The following G3BP2 variants were observed in gnomAD, a reference collection of about 807,000 sequenced individuals.
G3BP2 encodes the protein G3BP stress granule assembly factor 2.
Under a neutral mutation model 56.7 loss-of-function variants are expected in G3BP2, and 11 were observed. That is an observed-to-expected ratio of 0.19 (90% CI 0.12 to 0.32). The LOEUF (loss-of-function observed/expected upper bound fraction) is 0.32. Among genes scored for constraint, G3BP2 ranks in the 10% least tolerant of loss-of-function variants. The probability of loss-of-function intolerance (pLI) is 1.00; values close to 1 mark genes in which losing one functional copy is unlikely to be tolerated. For synonymous variants in G3BP2, 165 were observed against 191.6 expected (o/e 0.86, Z 1.15); for missense variants, 340 against 610.9 (o/e 0.56, Z 4.67).
chr4:75,709,479 G>C (rs1204204396), intron 3 of G3BP2, among the ~76,000 whole-genome samples: 1 of 146,440 alleles, frequency 6.8e-6, no homozygotes, highest in Non-Finnish European at 1.5e-5. Context: ...AGGTGTAGTA[G>C]CACATGCCTA....
intron 3 of G3BP2, among the ~76,000 whole-genome samples, chr4:75,709,700 G>GT (rs1350068975): frequency 1.3e-5 from 2 of 152,010 alleles, no homozygotes; most frequent in Non-Finnish European, 2.9e-5. Context: ...GGTGGGGCGG[G>GT]TTTCAGAGAT....
chr4:75,682,702 C>T (rs963206585), intron 3 of G3BP2, among the ~76,000 whole-genome samples: 1 of 152,014 alleles, frequency 6.6e-6, no homozygotes, highest in African/African-American at 2.4e-5. Context: ...TGCAGCTGGG[C>T]TGGGCACGGT....
At position 75,673,303 on chromosome 4, in the gene G3BP2, C is replaced by T. The variant is rs1354463449; in HGVS notation, c.-120G>A. ...GTTCTTATTGCTCGCCGCCCCCTTC[C>T]TCCGACAACTCGGAAGCCTCGGAAG... On this transcript the variant is annotated 5_prime_UTR_variant, in exon 1 of 12. Coordinates refer to ENST00000359707, the MANE Select transcript of G3BP2 (RefSeq NM_203505.3). 8 of 1,229,014 alleles carry T rather than the reference C, an allele frequency of 6.5e-6. No homozygotes were observed. The highest frequency in any genetic ancestry group is 8.5e-5 in the South Asian group (2 of 23,616). 76.1% of individuals were successfully genotyped at this position (1,229,014 alleles called of 1,614,324 possible).
chr4:75,655,883 A>G lies in G3BP2; in HGVS notation c.443-13T>C. 8.2e-7 allele frequency: 1 copy of G among 1,217,878 alleles called. No individual in the cohort carries two copies. The highest frequency in any genetic ancestry group is 1.2e-6 in the Non-Finnish European group (1 of 819,222). The allele number at this position is 1,217,878 out of a possible 1,614,324, so 75.4% of individuals were successfully genotyped here. A position where few individuals can be genotyped will look rare whatever the true frequency, so the allele number is the denominator to read the frequency against. ...TCATCTTCTGATTCTGAAAATACATAATACAGCACATCTTTTTTAAAGAGG... is the reference window on the plus strand; with the variant it reads ...TCATCTTCTGATTCTGAAAATACATGATACAGCACATCTTTTTTAAAGAGG... On this transcript the variant is annotated splice_polypyrimidine_tract_variant and intron_variant, in intron 5 of 11. Transcript: ENST00000359707.
chr4:75,651,208 G>GT (rs1731679270), intron 8 of G3BP2, among the ~76,000 whole-genome samples: 1 of 152,164 alleles, frequency 6.6e-6, no homozygotes, highest in African/African-American at 2.4e-5. Flanking sequence ...GTTTAATAAA[G>GT]TGAGTGTATT....
At chr4:75,677,513 G>A (rs1300491010), upstream of G3BP2, among the ~76,000 whole-genome samples, 1 of 151,910 alleles carries the variant, frequency 6.6e-6, no homozygotes, top group Non-Finnish European at 1.5e-5. Context: ...GGAGGTTGTG[G>A]TAACCCGAGA....
intron 3 of G3BP2, among the ~76,000 whole-genome samples, chr4:75,718,624 T>C (rs1434580615): frequency 6.6e-6 from 1 of 152,198 alleles, no homozygotes; most frequent in Admixed American, 6.5e-5. Flanking sequence ...TGCCATATGC[T>C]TTGAGATGAG....
At chr4:75,673,593 G>T (rs1028441626), upstream of G3BP2, 23 of 1,231,772 alleles carry the variant, frequency 1.9e-5, no homozygotes, top group Non-Finnish European at 2.1e-5. Context: ...CGCCCGGAAA[G>T]CCGGGGAACC....
chr4:75,679,326 A>G (rs577839948), intron 3 of G3BP2, among the ~76,000 whole-genome samples: 178 of 152,384 alleles, frequency 1.2e-3, no homozygotes, highest in African/African-American at 4.1e-3. Context: ...TTCATTTTAG[A>G]GCAAGAGAGG....
At chr4:75,668,267 G>A (rs1279601910) in intron 1 of G3BP2, among the ~76,000 whole-genome samples, 1 of 152,102 alleles carries the variant, frequency 6.6e-6, no homozygotes, top group Non-Finnish European at 1.5e-5. Flanking sequence ...TCAAAATAAC[G>A]TAAAAACCAA....
intron 3 of G3BP2, among the ~76,000 whole-genome samples, chr4:75,681,780 C>A (rs188888786): frequency 6.8e-6 from 1 of 148,066 alleles, no homozygotes; most frequent in South Asian, 2.1e-4. Flanking sequence ...ACCCAGGAGG[C>A]GGAGGTTGCA....
chr4:75,650,087 TTA>T (rs1491109568), intron 8 of G3BP2, among the ~76,000 whole-genome samples: 2 of 152,144 alleles, frequency 1.3e-5, no homozygotes, highest in African/African-American at 4.8e-5. Context: ...CTCAAACTCT[TTA>T]ATCATTTATA....
At chr4:75,689,580 G>T (rs923648257) in intron 3 of G3BP2, among the ~76,000 whole-genome samples, 2 of 152,174 alleles carry the variant, frequency 1.3e-5, no homozygotes, top group African/African-American at 2.4e-5. Context: ...GCAAGAGAAA[G>T]ATGCTACTAC....
chr4:75,706,507 A>G (rs1465711596), intron 3 of G3BP2, among the ~76,000 whole-genome samples: 3 of 151,786 alleles, frequency 2.0e-5, no homozygotes, highest in Middle Eastern at 3.5e-3. Flanking sequence ...GAGAAACCCC[A>G]TGTCTACTAA....
At chr4:75,673,036 C>T in intron 1 of G3BP2, 172 bp downstream of exon 1, 1 of 992,394 alleles carries the variant, frequency 1.0e-6, no homozygotes, top group Non-Finnish European at 1.2e-6. Context: ...AAAGACTGGT[C>T]TTCTCTCACG....
Position 75,658,830 on chromosome 4 carries a change from A to G in G3BP2, c.177+13T>C. The G allele has an allele frequency of 6.5e-7, 1 of 1,528,676 alleles. No individual in the cohort carries two copies. The highest frequency in any genetic ancestry group is 9.1e-7 in the Non-Finnish European group (1 of 1,101,860). The allele number at this position is 1,528,676 out of a possible 1,614,324, so 94.7% of individuals were successfully genotyped here. Reference sequence around the variant, plus strand: ...CACAAAATTTCTAAACTACATATGAAATTGATACTTACATTTTGGCCATAA... The same window carrying G: ...CACAAAATTTCTAAACTACATATGAGATTGATACTTACATTTTGGCCATAA... On this transcript the variant is annotated intron_variant, in intron 3 of 11. Coordinates refer to ENST00000359707, the MANE Select transcript of G3BP2 (RefSeq NM_203505.3).
intron 3 of G3BP2, among the ~76,000 whole-genome samples, chr4:75,699,184 A>C (rs975649187): frequency 1.3e-5 from 2 of 152,200 alleles, no homozygotes; most frequent in African/African-American, 4.8e-5. Flanking sequence ...CATTTGTACC[A>C]GCATACAGAC....
At chr4:75,652,624 ACT>A (rs746496336) in intron 8 of G3BP2, among the ~76,000 whole-genome samples, 9 of 151,874 alleles carry the variant, frequency 5.9e-5, no homozygotes, top group Non-Finnish European at 1.0e-4. Flanking sequence ...ACAGAGCGAG[ACT>A]CTGTCTCAAA....
chr4:75,701,618 G>A (rs1719348135), intron 3 of G3BP2, among the ~76,000 whole-genome samples: 1 of 152,106 alleles, frequency 6.6e-6, no homozygotes, highest in South Asian at 2.1e-4. Flanking sequence ...AGTAGGGATG[G>A]GGTTTCACCA....
Sources: gnomAD v4.1 joint callset for allele counts (sites outside exome capture counted in the v4.1 genomes callset) on GRCh38, gnomAD v4.1.1 for gene constraint, MANE v1.5 for transcripts, NCBI Gene and HGNC (gene_info 2026-07-23, HGNC 2026-07-21) for gene names.